ARIH2: variants seen among roughly 807,000 people sequenced by gnomAD.
ARIH2 encodes the protein ariadne RBR E3 ubiquitin protein ligase 2.
In ARIH2, 12 loss-of-function variants were observed where a neutral mutation model predicts 79.8. The observed-to-expected ratio is 0.15, with a 90% CI of 0.10 to 0.24. ARIH2 has a LOEUF of 0.24. Among genes scored for constraint, ARIH2 ranks in the 10% least tolerant of loss-of-function variants. ARIH2 has a pLI of 1.00. For missense variants in ARIH2, 301 were observed against 618.3 expected (o/e 0.49, Z 5.44); for synonymous variants, 224 against 213.9 (o/e 1.05, Z -0.41).
Position 48,918,897 on chromosome 3 carries a change from C to A in ARIH2, c.-263C>A. ...GCAGCGCGGGCTTGACCGGCGTCGG[C>A]CCGCCGCCTCCGCTGCCGCTTCGCC... is the stretch of plus-strand genomic sequence containing the variant. On this transcript the variant is annotated 5_prime_UTR_variant, in exon 1 of 16. Coordinates refer to ENST00000356401, the MANE Select transcript of ARIH2 (RefSeq NM_006321.4). The A allele has an allele frequency of 6.2e-7, 1 of 1,602,008 alleles. No homozygotes were observed. The highest frequency in any genetic ancestry group is 2.2e-5 in the East Asian group (1 of 44,622).
At chr3:48,969,298 C>G (rs2092021741) in intron 7 of ARIH2, among the ~76,000 whole-genome samples, 1 of 151,226 alleles carries the variant, frequency 6.6e-6, no homozygotes, top group South Asian at 2.1e-4. Flanking sequence ...ACAAATTAGG[C>G]ATATTTAGGA....
chr3:48,960,552 T>G (rs974753146), intron 3 of ARIH2, among the ~76,000 whole-genome samples: 2 of 151,688 alleles, frequency 1.3e-5, no homozygotes, highest in African/African-American at 4.8e-5. Flanking sequence ...TCACCTGAGA[T>G]CAGGAGTTCG....
intron 3 of ARIH2, among the ~76,000 whole-genome samples, chr3:48,940,808 A>AATATATATAT (rs1553702240): frequency 4.1e-5 from 4 of 98,066 alleles, no homozygotes; most frequent in East Asian, 2.5e-4. Context: ...AAAAAAAAAA[A>AATATATATAT]ATATATATAT....
At chr3:48,942,270 T>G (rs2088413884) in intron 3 of ARIH2, among the ~76,000 whole-genome samples, 1 of 151,738 alleles carries the variant, frequency 6.6e-6, no homozygotes, top group African/African-American at 2.4e-5. Context: ...AGGCTGGTCT[T>G]GAATTCCTGA....
chr3:48,948,475 A>G (rs531543243), intron 3 of ARIH2, among the ~76,000 whole-genome samples: 1 of 151,476 alleles, frequency 6.6e-6, no homozygotes, highest in Admixed American at 6.6e-5. Flanking sequence ...TTTAGTAGAG[A>G]TGGAGTTTCT....
At chr3:48,924,733 G>T (rs1472757014) in intron 2 of ARIH2, 1 of 151,678 alleles carries the variant, frequency 6.6e-6, no homozygotes, top group Admixed American at 6.6e-5. Flanking sequence ...GTCTCGCTCT[G>T]TTGCCCAGGC....
chr3:48,973,824 C>G lies in ARIH2; in HGVS notation c.888+8C>G. The G allele has an allele frequency of 6.3e-7, 1 of 1,592,466 alleles. No individual in the cohort carries two copies. Among genetic ancestry groups the G allele is most frequent in the Non-Finnish European group, 8.6e-7 (1 of 1,160,642 alleles). ...AGTGCTCACACTAAAGACGTAAGGACCGTATTTTACCTCTCATGGATTTGC... is the reference window on the plus strand; with the variant it reads ...AGTGCTCACACTAAAGACGTAAGGAGCGTATTTTACCTCTCATGGATTTGC... On this transcript the variant is annotated splice_region_variant and intron_variant, in intron 9 of 15. Transcript: ENST00000356401.
chr3:48,928,400 A>C (rs1322670617), intron 3 of ARIH2, among the ~76,000 whole-genome samples: 1 of 152,248 alleles, frequency 6.6e-6, no homozygotes, highest in Non-Finnish European at 1.5e-5. Flanking sequence ...TATTTAACAC[A>C]TAAGCTAAAA....
At chr3:48,951,085 C>G (rs2089900564) in intron 3 of ARIH2, among the ~76,000 whole-genome samples, 1 of 151,792 alleles carries the variant, frequency 6.6e-6, no homozygotes, top group Non-Finnish European at 1.5e-5. Context: ...ACCTCAGCCT[C>G]CCAGGTAGAT....
At chr3:48,946,793 G>T (rs1243643988) in intron 3 of ARIH2, among the ~76,000 whole-genome samples, 1 of 152,056 alleles carries the variant, frequency 6.6e-6, no homozygotes, top group Admixed American at 6.5e-5. Flanking sequence ...CATGGGCTGC[G>T]CTTGGTCTCT....
At chr3:48,947,446 A>AG (rs2089340166) in intron 3 of ARIH2, among the ~76,000 whole-genome samples, 1 of 151,772 alleles carries the variant, frequency 6.6e-6, no homozygotes, top group African/African-American at 2.4e-5. Flanking sequence ...TGTCTCAAAA[A>AG]AAAAAAAAAA....
Position 48,981,709 on chromosome 3 carries a change from C to T in ARIH2, c.1307C>T (p.Ser436Phe). 6.2e-7 allele frequency: 1 copy of T among 1,613,870 alleles called. No individual in the cohort carries two copies. Among genetic ancestry groups the T allele is most frequent in the Non-Finnish European group, 8.5e-7 (1 of 1,179,856 alleles). ...TACCCATATGCATATTACATGGAGT[C>T]CGGACCCAGGAAGAAGCTGGTAAGG... ...YTYPYAYYME[S>F]GPRKKLFEYQ... Residue 436 changes from serine to phenylalanine, a missense_variant, in exon 14 of 16, where the codon TCC becomes TTC. This residue lies in a region of ARIH2 where 78 missense variants were observed against 268.9 expected (regional missense o/e 0.29). Transcript: ENST00000356401.
chr3:48,940,262 C>T (rs550634618), intron 3 of ARIH2, among the ~76,000 whole-genome samples: 1 of 151,982 alleles, frequency 6.6e-6, no homozygotes, highest in Admixed American at 6.6e-5. Context: ...CCCAGCTACT[C>T]GGGAGGCTGA....
At position 48,934,019 on chromosome 3, in the gene ARIH2, A is replaced by AT. The variant is rs1321749843; in HGVS notation, c.255+6213dup. Among the ~76,000 whole-genome samples, 5 of 152,272 alleles carry AT rather than the reference A, an allele frequency of 3.3e-5. No homozygotes were observed. In the East Asian group the frequency reaches 7.7e-4, roughly 23 times the overall value. On this transcript the variant is annotated intron_variant, in intron 3 of 15. Transcript: ENST00000356401. ...TCTATTCTGCCATACTCTTTTGTGA[A>AT]TTTTTTTAAAAATCTGGTGTTTGCT... is the stretch of plus-strand genomic sequence containing the variant.
At chr3:48,963,855 T>G (rs559900433) in intron 4 of ARIH2, among the ~76,000 whole-genome samples, 103 of 152,242 alleles carry the variant, frequency 6.8e-4, no homozygotes, top group African/African-American at 2.5e-3. Context: ...TTGTGCTGCC[T>G]CCTCCTTTGA....
intron 3 of ARIH2, among the ~76,000 whole-genome samples, chr3:48,954,681 G>C (rs1482952830): frequency 6.6e-6 from 1 of 152,116 alleles, no homozygotes; most frequent in African/African-American, 2.4e-5. Context: ...ATTTCCTCTG[G>C]GGAATAGTGG....
At chr3:48,943,280 C>G (rs2088607705) in intron 3 of ARIH2, 1 of 152,132 alleles carries the variant, frequency 6.6e-6, no homozygotes, top group Admixed American at 6.5e-5. Context: ...TTGATTTTAA[C>G]CTCCTCCAAC....
At chr3:48,981,376 G>A (rs1321496035) in intron 13 of ARIH2, among the ~76,000 whole-genome samples, 1 of 152,004 alleles carries the variant, frequency 6.6e-6, no homozygotes, top group Non-Finnish European at 1.5e-5. Context: ...TGAGATAGAT[G>A]TGTTGACTCT....
chr3:48,929,486 A>G (rs572928126), intron 3 of ARIH2, among the ~76,000 whole-genome samples: 1 of 152,278 alleles, frequency 6.6e-6, no homozygotes, highest in East Asian at 1.9e-4. Context: ...AGGAGTCCTC[A>G]GAGTCTAGCT....
Sources: gnomAD v4.1 joint callset for allele counts (sites outside exome capture counted in the v4.1 genomes callset) on GRCh38, gnomAD v4.1.1 for gene constraint, gnomAD v4.1.1 regional missense constraint, MANE v1.5 for transcripts, NCBI Gene and HGNC (gene_info 2026-07-23, HGNC 2026-07-21) for gene names.